Variants in AARS1 observed in about 807,000 individuals in gnomAD.
AARS1 encodes the protein alanine--tRNA ligase, cytoplasmic.
Under a neutral mutation model 108.9 loss-of-function variants are expected in AARS1, and 72 were observed. The observed-to-expected ratio is 0.66, with a 90% CI of 0.55 to 0.80. AARS1 has a LOEUF of 0.80. AARS1 is among the 30% of genes least tolerant of loss of function. AARS1 has a pLI of 0.00. For missense variants in AARS1, 1,193 were observed against 1,233.2 expected (o/e 0.97, Z 0.49); for synonymous variants, 489 against 465.7 (o/e 1.05, Z -0.64).
intron 2 of AARS1, among the ~76,000 whole-genome samples, chr16:70,279,893 C>CT (rs374749801): frequency 1.4e-4 from 21 of 151,648 alleles, no homozygotes; most frequent in Non-Finnish European, 2.4e-4. Context: ...AAATATTTTT[C>CT]TTTTTTTTCC....
At chr16:70,283,609 G>A (rs145506609) in intron 1 of AARS1, among the ~76,000 whole-genome samples, 2 of 152,240 alleles carry the variant, frequency 1.3e-5, no homozygotes, top group African/African-American at 4.8e-5. Flanking sequence ...TACACGCCTA[G>A]AACTGCAAAG....
In AARS1 at chr16:70,269,758, T is replaced by C. The variant is rs757503544; in HGVS notation, c.822A>G (p.Thr274=). 1 of 1,614,162 alleles carries C rather than the reference T, an allele frequency of 6.2e-7. No individual in the cohort carries two copies. Among genetic ancestry groups the C allele is most frequent in the Non-Finnish European group, 8.5e-7 (1 of 1,180,028 alleles). ...VPYFEAIQKG[T]GARPYTGKVG... ...CTTTCCCAGTGTATGGTCGGGCACC[T>C]GTGCCCTATAGATAAGAATCAGGAG... The change falls in exon 7 of 21, where the codon ACA becomes ACG. Residue 274 remains threonine, a synonymous_variant. Transcript: ENST00000261772.
intron 13 of AARS1, among the ~76,000 whole-genome samples, chr16:70,260,807 C>T (rs554568706): frequency 2.0e-5 from 3 of 152,150 alleles, no homozygotes; most frequent in African/African-American, 2.4e-5. Flanking sequence ...GGACTATAGG[C>T]GCCTGCCACC....
chr16:70,252,405 T>G lies in AARS1; in HGVS notation c.*316A>C, dbSNP rs891942585. 2.2e-5 allele frequency: 10 copies of G among 452,044 alleles called. No homozygotes were observed. The highest frequency in any genetic ancestry group is 1.6e-4 in the African/African-American group (8 of 50,600). 28.0% of individuals were successfully genotyped at this position (452,044 alleles called of 1,614,324 possible). A position where few individuals can be genotyped will look rare whatever the true frequency, so the allele number is the denominator to read the frequency against. ...CGGCATTAAGTATTGCACGTGGTCCTTTTATTCTCTGCAGCAAAAACGATT... is the reference window on the plus strand; with the variant it reads ...CGGCATTAAGTATTGCACGTGGTCCGTTTATTCTCTGCAGCAAAAACGATT... On this transcript the variant is annotated 3_prime_UTR_variant, in exon 21 of 21. Transcript: ENST00000261772.
At chr16:70,266,910 C>T (rs533146167) in intron 9 of AARS1, among the ~76,000 whole-genome samples, 12 of 152,248 alleles carry the variant, frequency 7.9e-5, no homozygotes, top group African/African-American at 2.6e-4. Flanking sequence ...GATTTTGGCT[C>T]AATGCAACCT....
chr16:70,269,034 C>T (rs1960329536), intron 7 of AARS1, among the ~76,000 whole-genome samples: 1 of 152,046 alleles, frequency 6.6e-6, no homozygotes, highest in Admixed American at 6.6e-5. Flanking sequence ...TGGCAAAACC[C>T]CACCTCTGGC....
intron 1 of AARS1, among the ~76,000 whole-genome samples, chr16:70,288,652 C>T (rs370770537): frequency 6.6e-6 from 1 of 151,450 alleles, no homozygotes; most frequent in African/African-American, 2.4e-5. Flanking sequence ...CTGCAACCTC[C>T]GCCTGCCGGG....
At chr16:70,279,775 T>C (rs1250265181) in intron 2 of AARS1, among the ~76,000 whole-genome samples, 2 of 152,062 alleles carry the variant, frequency 1.3e-5, no homozygotes, top group Non-Finnish European at 2.9e-5. Flanking sequence ...TATGTCTGAA[T>C]AGAAACAGTA....
chr16:70,270,635 C>T (rs182120202), intron 5 of AARS1, among the ~76,000 whole-genome samples: 3 of 151,740 alleles, frequency 2.0e-5, no homozygotes, highest in Admixed American at 6.6e-5. Flanking sequence ...GTCAGGAGCT[C>T]GAGACCAGCC....
At chr16:70,277,620 T>A (rs1368212933) in intron 2 of AARS1, among the ~76,000 whole-genome samples, 1 of 152,210 alleles carries the variant, frequency 6.6e-6, no homozygotes, top group African/African-American at 2.4e-5. Context: ...GATGTATCAG[T>A]CGTCTAGCTG....
In AARS1 at chr16:70,259,149, G is replaced by T; in HGVS notation, c.1823C>A (p.Thr608Lys). The change falls in exon 14 of 21, where the codon ACG becomes AAG. Residue 608 changes from threonine to lysine, a missense_variant. Thr to Lys is a moderately conservative substitution (Grantham distance 78). Transcript: ENST00000261772. ...GCGCAGGGCGAAGTTCAGAATGTGC[G>T]TAGCTGTGTGGTTGCTCATGATGGG... ...RRPIMSNHTA[T>K]HILNFALRSV... 6.2e-7 allele frequency: 1 copy of T among 1,614,180 alleles called. No homozygotes were observed. Among genetic ancestry groups the T allele is most frequent in the Middle Eastern group, 1.7e-4 (1 of 6,060 alleles).
At chr16:70,273,666 T>C (rs1262798572) in intron 4 of AARS1, among the ~76,000 whole-genome samples, 2 of 151,406 alleles carry the variant, frequency 1.3e-5, no homozygotes, top group African/African-American at 4.9e-5. Flanking sequence ...ATCGAGACCA[T>C]CCTGGCTGAC....
chr16:70,256,018 T>C (rs1368960453), intron 15 of AARS1, among the ~76,000 whole-genome samples, 182 bp from the exon 16 acceptor site: 1 of 152,180 alleles, frequency 6.6e-6, no homozygotes, highest in Non-Finnish European at 1.5e-5. Flanking sequence ...AGTTCTCAAA[T>C]GGGGATGATT....
intron 12 of AARS1, among the ~76,000 whole-genome samples, chr16:70,261,916 G>A (rs969641605): frequency 1.3e-5 from 2 of 151,948 alleles, no homozygotes; most frequent in South Asian, 2.1e-4. Context: ...CGATCCACCC[G>A]CCTTGGCCTC....
At position 70,264,982 on chromosome 16, in the gene AARS1, G is replaced by T; in HGVS notation, c.1468C>A (p.His490Asn). 1 of 1,614,096 alleles carries T rather than the reference G, an allele frequency of 6.2e-7. No homozygotes were observed. ...CCATAGCTACCACTGGAGTCCAAAT[G>T]GTAATTGTACTTTGGGGAATCATCT... ...VTDDSPKYNY[H>N]LDSSGSYVFE... Residue 490 changes from histidine (H) to asparagine (N), a missense_variant, in exon 11 of 21, where the codon CAT becomes AAT. Physicochemically the swap from His to Asn is moderately conservative, Grantham distance 68 (BLOSUM62 1). Coordinates refer to ENST00000261772, the MANE Select transcript of AARS1 (RefSeq NM_001605.3).
chr16:70,256,499 C>A (rs1959995439), intron 15 of AARS1, among the ~76,000 whole-genome samples: 1 of 152,104 alleles, frequency 6.6e-6, no homozygotes, highest in Non-Finnish European at 1.5e-5. Context: ...AGGTTTTCAC[C>A]ATGTTGCACA....
chr16:70,253,809 A>T lies in AARS1; in HGVS notation c.2521-9T>A. On this transcript the variant is annotated splice_polypyrimidine_tract_variant and intron_variant, in intron 18 of 20. Transcript: ENST00000261772. ...TTCGTCTTCTCTAACACCTGCAAGA[A>T]AAAAGTCCAGAACAGCAGCTCAGAC... 6.2e-7 allele frequency: 1 copy of T among 1,614,190 alleles called. No homozygotes were observed. The highest frequency in any genetic ancestry group is 1.6e-4 in the Middle Eastern group (1 of 6,062).
chr16:70,259,773 A>G (rs1195066071), intron 13 of AARS1, among the ~76,000 whole-genome samples: 2 of 149,902 alleles, frequency 1.3e-5, no homozygotes, highest in Non-Finnish European at 1.5e-5. Context: ...AAATTTTTAT[A>G]AACAGTTTTT....
Position 70,274,667 on chromosome 16 carries a change from T to C in AARS1, c.479+1819A>G, listed in dbSNP as rs892888840. 3.5e-5 allele frequency among the ~76,000 whole-genome samples: 5 copies of C among 142,132 alleles called. No individual in the cohort carries two copies. In the Admixed American group the frequency reaches 4.0e-4, roughly 11 times the overall value. The allele number at this position is 142,132 out of a possible 152,430, so 93.2% of individuals were successfully genotyped here. A position where few individuals can be genotyped will look rare whatever the true frequency, so the allele number is the denominator to read the frequency against. On this transcript the variant is annotated intron_variant, in intron 4 of 20. Transcript: ENST00000261772. ...TGAACCCAGGAGGCAGAGGTTGCAGTGAGCTGAGATCGCGTCATTGCACTC... is the reference window on the plus strand; with the variant it reads ...TGAACCCAGGAGGCAGAGGTTGCAGCGAGCTGAGATCGCGTCATTGCACTC...
Sources: gnomAD v4.1 joint callset for allele counts (sites outside exome capture counted in the v4.1 genomes callset) on GRCh38, gnomAD v4.1.1 for gene constraint, MANE v1.5 for transcripts, NCBI Gene and HGNC (gene_info 2026-07-23, HGNC 2026-07-21) for gene names.